The following PDE10A variants were observed in gnomAD, a reference collection of about 807,000 sequenced individuals.
PDE10A encodes the protein phosphodiesterase 10A, also known as cAMP and cAMP-inhibited cGMP 3',5'-cyclic phosphodiesterase 10A.
A neutral mutation model predicts 97.7 loss-of-function variants in PDE10A; 39 were observed. The observed-to-expected ratio is 0.40, with a 90% CI of 0.31 to 0.52. PDE10A has a LOEUF of 0.52. Among genes scored for constraint, PDE10A ranks in the 20% least tolerant of loss-of-function variants. The pLI, the probability that PDE10A is intolerant of heterozygous loss-of-function variation, is 0.56. For missense variants in PDE10A, 731 were observed against 1,047.8 expected (o/e 0.70, Z 4.17); for synonymous variants, 371 against 376.8 (o/e 0.98, Z 0.18).
intron 1 of PDE10A, among the ~76,000 whole-genome samples, chr6:165,929,928 G>A (rs1783072998): frequency 6.6e-6 from 1 of 151,538 alleles, no homozygotes; most frequent in Admixed American, 6.6e-5. Flanking sequence ...TGTGAGGGTG[G>A]CAGGTGGGAA....
intron 1 of PDE10A, among the ~76,000 whole-genome samples, chr6:165,968,901 G>A (rs1229554943): frequency 6.6e-6 from 1 of 152,188 alleles, no homozygotes; most frequent in Non-Finnish European, 1.5e-5. Context: ...TGGTCAATGG[G>A]AATCCATCTT....
At chr6:165,464,978 G>A (rs1044885052) in intron 3 of PDE10A, among the ~76,000 whole-genome samples, 2 of 152,176 alleles carry the variant, frequency 1.3e-5, no homozygotes, top group African/African-American at 4.8e-5. Context: ...ACATTCTTAT[G>A]GAAGTCTTTT....
intron 1 of PDE10A, among the ~76,000 whole-genome samples, chr6:165,746,210 A>G (rs1410690463): frequency 6.6e-6 from 1 of 152,242 alleles, no homozygotes; most frequent in Non-Finnish European, 1.5e-5. Flanking sequence ...AAAGAGATAT[A>G]AATAGCACCA....
At chr6:165,594,124 G>A (rs1170631193) in intron 1 of PDE10A, among the ~76,000 whole-genome samples, 4 of 152,138 alleles carry the variant, frequency 2.6e-5, no homozygotes, top group African/African-American at 9.7e-5. Flanking sequence ...GGGCCTAGAA[G>A]GAATAACATC....
At chr6:165,854,086 G>A (rs1171922971) in intron 1 of PDE10A, among the ~76,000 whole-genome samples, 1 of 152,218 alleles carries the variant, frequency 6.6e-6, no homozygotes, top group African/African-American at 2.4e-5. Flanking sequence ...GGGTCCTAGG[G>A]AAGAGCCCAG....
At chr6:165,462,430 G>A (rs7744995) in intron 3 of PDE10A, among the ~76,000 whole-genome samples, 4,241 of 152,274 alleles carry the variant, frequency 0.028, 199 homozygotes, top group African/African-American at 0.094. Context: ...ATAACAAAAC[G>A]TTGGGAAATA....
At chr6:165,619,371 G>GTCTA (rs1562634555) in intron 1 of PDE10A, among the ~76,000 whole-genome samples, 12 of 7,654 alleles carry the variant, frequency 1.6e-3, no homozygotes, top group Non-Finnish European at 3.6e-3. Flanking sequence ...AGTGTAGTGT[G>GTCTA]GTGTAGTGTA....
chr6:165,717,250 C>T (rs1792047030), intron 1 of PDE10A, among the ~76,000 whole-genome samples: 1 of 152,208 alleles, frequency 6.6e-6, no homozygotes, highest in African/African-American at 2.4e-5. Flanking sequence ...CACTGAGGGA[C>T]ACTTGACTTG....
intron 1 of PDE10A, among the ~76,000 whole-genome samples, chr6:165,621,337 A>T (rs542097005): frequency 2.6e-5 from 4 of 152,136 alleles, no homozygotes; most frequent in Non-Finnish European, 4.4e-5. Flanking sequence ...TATTTAAAGC[A>T]TTGCCTATAA....
chr6:165,542,852 T>A (rs1783532910), intron 2 of PDE10A, among the ~76,000 whole-genome samples: 1 of 151,944 alleles, frequency 6.6e-6, no homozygotes, highest in African/African-American at 2.4e-5. Flanking sequence ...TCTCCTGACC[T>A]CGTGATCCGC....
chr6:165,542,612 CT>C (rs545149187), intron 2 of PDE10A, among the ~76,000 whole-genome samples: 1,800 of 76,368 alleles, frequency 0.024, 2 homozygotes, highest in East Asian at 0.074. Flanking sequence ...TGTCCTTGTT[CT>C]TTTTTTTTTT....
intron 2 of PDE10A, among the ~76,000 whole-genome samples, chr6:165,542,902 G>A (rs1783536797): frequency 6.6e-6 from 1 of 152,122 alleles, no homozygotes; most frequent in Non-Finnish European, 1.5e-5. Flanking sequence ...ACAGGCGTGA[G>A]CCACTGCGCC....
At position 165,572,997 on chromosome 6, in the gene PDE10A, A is replaced by G. The variant is rs112300673; in HGVS notation, c.866-29429T>C. ...TAGATGACAATGCAAAACTTGCTAT[A>G]TTTCACTAATCTGAGCTAATCTCAT... is the stretch of plus-strand genomic sequence containing the variant. On this transcript the variant is annotated intron_variant, in intron 1 of 21. Transcript: ENST00000539869. 5.6e-3 allele frequency among the ~76,000 whole-genome samples: 856 copies of G among 152,314 alleles called. 7 individuals carry two copies. The highest frequency in any genetic ancestry group is 0.019 in the African/African-American group (801 of 41,566).
At chr6:165,373,699 A>G (rs1445668130) in intron 18 of PDE10A, among the ~76,000 whole-genome samples, 2 of 152,150 alleles carry the variant, frequency 1.3e-5, no homozygotes, top group African/African-American at 4.8e-5. Flanking sequence ...TAGAACTAGA[A>G]ATACCATGTG....
At chr6:165,957,471 C>T (rs988022290) in intron 1 of PDE10A, among the ~76,000 whole-genome samples, 1 of 151,926 alleles carries the variant, frequency 6.6e-6, no homozygotes. Flanking sequence ...ACAGAGGGAC[C>T]TATCTCTAAA....
intron 1 of PDE10A, among the ~76,000 whole-genome samples, chr6:165,700,844 T>C (rs1791553322): frequency 1.3e-5 from 2 of 152,342 alleles, no homozygotes; most frequent in Admixed American, 6.5e-5. Context: ...GATGAAGTTA[T>C]CATGCGGGTG....
At chr6:165,955,170 T>A (rs1784098234) in intron 1 of PDE10A, among the ~76,000 whole-genome samples, 1 of 152,146 alleles carries the variant, frequency 6.6e-6, no homozygotes. Flanking sequence ...ACCTTGGGGC[T>A]ACAATCCCCA....
chr6:165,524,431 T>G (rs1782307108), intron 2 of PDE10A, among the ~76,000 whole-genome samples: 2 of 152,148 alleles, frequency 1.3e-5, no homozygotes, highest in South Asian at 4.1e-4. Context: ...TTTAGAAAGT[T>G]ATGCAAAATA....
intron 1 of PDE10A, among the ~76,000 whole-genome samples, chr6:165,595,756 T>C (rs1786549090): frequency 6.6e-6 from 1 of 152,214 alleles, no homozygotes; most frequent in East Asian, 1.9e-4. Context: ...GAAGGCCCCT[T>C]CTTCATAGAT....
Sources: allele counts gnomAD v4.1 joint callset (sites outside exome capture counted in the v4.1 genomes callset), GRCh38; gene constraint gnomAD v4.1.1; transcripts MANE v1.5; gene names NCBI Gene and HGNC (gene_info 2026-07-23, HGNC 2026-07-21).